Variants in SUSD4 observed in about 807,000 individuals in gnomAD.
The protein encoded by SUSD4 is sushi domain-containing protein 4.
Under a neutral mutation model 50.5 loss-of-function variants are expected in SUSD4, and 41 were observed. The observed-to-expected ratio is 0.81, with a 90% CI of 0.63 to 1.05. SUSD4 has a LOEUF of 1.05. Among genes scored for constraint, SUSD4 ranks in the 50% least tolerant of loss-of-function variants. The pLI, the probability that SUSD4 is intolerant of heterozygous loss-of-function variation, is 0.00. For synonymous variants in SUSD4, 257 were observed against 257.3 expected (o/e 1.00, Z 0.01); for missense variants, 580 against 634.7 (o/e 0.91, Z 0.93).
In SUSD4 at chr1:223,256,879, C is replaced by T. The variant is rs79077054; in HGVS notation, c.724+7751G>A. On this transcript the variant is annotated intron_variant, in intron 5 of 8. Coordinates refer to ENST00000366878, the MANE Select transcript of SUSD4 (RefSeq NM_017982.4). ...GTGTGGGCTCAGGAGGCACAGGGGC[C>T]GGTTGCTGTGGACAGAGTGACCTTG... Among the ~76,000 whole-genome samples, 895 of 152,252 alleles carry T rather than the reference C, an allele frequency of 5.9e-3. 6 individuals carry two copies. The highest frequency in any genetic ancestry group is 0.02 in the African/African-American group (843 of 41,526).
At chr1:223,257,958 T>A (rs1661817157) in intron 5 of SUSD4, among the ~76,000 whole-genome samples, 1 of 152,230 alleles carries the variant, frequency 6.6e-6, no homozygotes, top group Admixed American at 6.5e-5. Context: ...GTCTGAAGTT[T>A]CCATTTGTAA....
chr1:223,233,027 C>A lies in SUSD4; in HGVS notation c.725-3639G>T, dbSNP rs536776157. Among the ~76,000 whole-genome samples, 22 of 152,296 alleles carry A rather than the reference C, an allele frequency of 1.4e-4. No homozygotes were observed. The South Asian group carries it at 4.1e-3, about 29-fold the overall frequency. ...GCTGGGGTTCCCATGCTGCCCTTCC[C>A]GTACTGGGGCACTACCAGGCTCCTT... On this transcript the variant is annotated intron_variant, in intron 5 of 8. Coordinates refer to ENST00000366878, the MANE Select transcript of SUSD4 (RefSeq NM_017982.4).
At chr1:223,364,540 G>A (rs960378308), upstream of SUSD4, among the ~76,000 whole-genome samples, 2 of 150,012 alleles carry the variant, frequency 1.3e-5, no homozygotes, top group Non-Finnish European at 3.0e-5. The surrounding 1 kb of genome is among the most constrained non-coding windows in gnomAD (Gnocchi z 4.5). Flanking sequence ...GGCGCGAGGC[G>A]CCGGCGGCCG....
At chr1:223,263,135 A>G (rs1662239333) in intron 5 of SUSD4, among the ~76,000 whole-genome samples, 1 of 152,196 alleles carries the variant, frequency 6.6e-6, no homozygotes, top group Admixed American at 6.5e-5. Context: ...CGTAACAACG[A>G]TATCTTTAAA....
intron 2 of SUSD4, among the ~76,000 whole-genome samples, chr1:223,324,813 G>A (rs1462127567): frequency 6.6e-6 from 1 of 151,884 alleles, no homozygotes; most frequent in Non-Finnish European, 1.5e-5. Flanking sequence ...GGAGGCAATG[G>A]ACACTGATGG....
At chr1:223,326,646 G>T (rs117028226) in intron 2 of SUSD4, among the ~76,000 whole-genome samples, 2 of 151,622 alleles carry the variant, frequency 1.3e-5, no homozygotes, top group East Asian at 1.9e-4. Flanking sequence ...AAACAAATCC[G>T]CAAGAAAAAA....
chr1:223,315,772 T>G (rs190550273), intron 2 of SUSD4, among the ~76,000 whole-genome samples: 1 of 152,144 alleles, frequency 6.6e-6, no homozygotes, highest in Non-Finnish European at 1.5e-5. Flanking sequence ...AGAGAACAGA[T>G]CTGATCACTA....
At chr1:223,339,303 G>A (rs947006167) in intron 2 of SUSD4, among the ~76,000 whole-genome samples, 4 of 152,166 alleles carry the variant, frequency 2.6e-5, no homozygotes, top group Non-Finnish European at 5.9e-5. Flanking sequence ...ACAGTGAGTC[G>A]GAGATGAGGA....
intron 2 of SUSD4, among the ~76,000 whole-genome samples, chr1:223,330,863 C>T (rs1473074619): frequency 1.6e-4 from 24 of 152,300 alleles, no homozygotes. Context: ...CAGCTAGGGC[C>T]TCCACATCAC....
intron 3 of SUSD4, among the ~76,000 whole-genome samples, chr1:223,277,716 G>A (rs144646660): frequency 1.6e-4 from 25 of 152,268 alleles, no homozygotes; most frequent in African/African-American, 5.1e-4. Flanking sequence ...CAAGACACTG[G>A]TCTAATTCCC....
At chr1:223,296,152 G>A (rs1318288280) in intron 2 of SUSD4, among the ~76,000 whole-genome samples, 4 of 152,102 alleles carry the variant, frequency 2.6e-5, no homozygotes, top group South Asian at 4.2e-4. Flanking sequence ...GGCTCCTGCA[G>A]TACTCCAGGT....
chr1:223,234,851 T>C (rs1037693765), intron 5 of SUSD4: 2 of 1,423,148 alleles, frequency 1.4e-6, no homozygotes, highest in Non-Finnish European at 1.8e-6. Context: ...AGTTGGTTCT[T>C]CCCTTGATGC....
intron 2 of SUSD4, among the ~76,000 whole-genome samples, chr1:223,349,220 A>C (rs1668214722): frequency 6.6e-6 from 1 of 152,232 alleles, no homozygotes; most frequent in Non-Finnish European, 1.5e-5. Flanking sequence ...GGAGAGAAGA[A>C]AATGTCCCTT....
intron 3 of SUSD4, among the ~76,000 whole-genome samples, chr1:223,269,366 G>A (rs1402851651): frequency 1.3e-5 from 2 of 152,218 alleles, no homozygotes; most frequent in African/African-American, 2.4e-5. Flanking sequence ...GGCTGGGGGA[G>A]GAGAATGCCA....
rs143929528 is a variant in SUSD4, at chr1:223,363,360, TTGC to T, written c.63_65del (p.Gln22del). ...CCAAGAGTCTCTGGGGGGACTGAGG[TTGC>T]TGCTGCTGCTGCTGCTGCTCTAGAA... is the stretch of plus-strand genomic sequence containing the variant. On this transcript the variant is annotated inframe_deletion, in exon 2 of 9. Coordinates refer to ENST00000366878, the MANE Select transcript of SUSD4 (RefSeq NM_017982.4). 9,555 of 1,602,318 alleles carry T rather than the reference TTGC, an allele frequency of 6.0e-3. 299 individuals are homozygous for T. In the East Asian group the frequency reaches 0.085, roughly 14 times the overall value.
chr1:223,238,782 A>G (rs1019420733), intron 5 of SUSD4, among the ~76,000 whole-genome samples: 35 of 151,994 alleles, frequency 2.3e-4, no homozygotes, highest in Non-Finnish European at 4.4e-4. Context: ...TGAGTGTTCC[A>G]TATGGACTTA....
At chr1:223,223,763 T>C (rs1223831424) in intron 7 of SUSD4, 132 bp from the exon 8 acceptor site, 7 of 1,136,186 alleles carry the variant, frequency 6.2e-6, no homozygotes, top group Non-Finnish European at 8.4e-6. Flanking sequence ...GAGGATAATA[T>C]GGAAGAACCA....
chr1:223,356,119 C>CA (rs11452800), intron 2 of SUSD4, among the ~76,000 whole-genome samples: 8,291 of 151,904 alleles, frequency 0.055, 292 homozygotes, highest in East Asian at 0.12. Context: ...AAAGCAATTA[C>CA]AATACTCTCA....
At chr1:223,261,805 A>C (rs1268791872) in intron 5 of SUSD4, among the ~76,000 whole-genome samples, 1 of 152,126 alleles carries the variant, frequency 6.6e-6, no homozygotes, top group Admixed American at 6.5e-5. Flanking sequence ...CTCTTAGTGC[A>C]TTAATAACAA....
Sources: allele counts gnomAD v4.1 joint callset (sites outside exome capture counted in the v4.1 genomes callset), GRCh38; gene constraint gnomAD v4.1.1; non-coding constraint Gnocchi (gnomAD v3.1); transcripts MANE v1.5; gene names NCBI Gene and HGNC (gene_info 2026-07-23, HGNC 2026-07-21).